Variants in SLC8A1 observed in about 807,000 individuals in gnomAD.
SLC8A1 encodes the protein sodium/calcium exchanger 1.
SLC8A1 carries 18 observed loss-of-function variants against 68.3 expected under a neutral mutation model. That is an observed-to-expected ratio of 0.26 (90% CI 0.18 to 0.39). The LOEUF is 0.39. SLC8A1 is among the 10% of genes least tolerant of loss of function. The pLI is 1.00. For synonymous variants in SLC8A1, 475 were observed against 415.5 expected (o/e 1.14, Z -1.74); for missense variants, 985 against 1,156.7 (o/e 0.85, Z 2.15).
chr2:40,321,510 C>G (rs750271124), intron 2 of SLC8A1, among the ~76,000 whole-genome samples: 1 of 151,930 alleles, frequency 6.6e-6, no homozygotes, highest in East Asian at 1.9e-4. Context: ...AAGACATACC[C>G]GAGACTGGGT....
chr2:40,282,817 T>A (rs147567601), intron 2 of SLC8A1, among the ~76,000 whole-genome samples: 1 of 152,238 alleles, frequency 6.6e-6, no homozygotes, highest in Non-Finnish European at 1.5e-5. Context: ...AGTTGAACTC[T>A]GAACCACTAT....
At position 40,214,779 on chromosome 2, in the gene SLC8A1, A is replaced by G. The variant is rs10188252; in HGVS notation, c.1809-36924T>C. ...ATCTTAACTCATATAATGGATCAGT[A>G]TTTTTTTGAGAATTTCCAGGCCAAC... On this transcript the variant is annotated intron_variant, in intron 2 of 7. Coordinates refer to ENST00000406785, the Ensembl canonical transcript of SLC8A1. Among the ~76,000 whole-genome samples, 667 of 152,206 alleles carry G rather than the reference A, an allele frequency of 4.4e-3. 7 individuals are homozygous for G. Among genetic ancestry groups the G allele is most frequent in the African/African-American group, 0.015 (632 of 41,530 alleles).
intron 6 of SLC8A1, among the ~76,000 whole-genome samples, chr2:40,157,489 A>G (rs1171796260): frequency 6.6e-6 from 1 of 152,144 alleles, no homozygotes; most frequent in Non-Finnish European, 1.5e-5. Context: ...GAAGAACAAT[A>G]TGGTGGTTGT....
intron 1 of SLC8A1, among the ~76,000 whole-genome samples, chr2:40,508,936 G>C (rs1706533018): frequency 6.6e-6 from 1 of 151,952 alleles, no homozygotes; most frequent in African/African-American, 2.4e-5. Context: ...GTACAATGTG[G>C]GCATCACCTA....
intron 2 of SLC8A1, among the ~76,000 whole-genome samples, chr2:40,216,012 CTT>C (rs61623694): frequency 1.4e-5 from 2 of 143,748 alleles, no homozygotes; most frequent in Admixed American, 6.9e-5. Context: ...CCAGTGTATG[CTT>C]TTTTTTTTTT....
At chr2:40,181,419 T>C (rs1399365786) in intron 2 of SLC8A1, among the ~76,000 whole-genome samples, 1 of 152,212 alleles carries the variant, frequency 6.6e-6, no homozygotes. Flanking sequence ...TTGATAACTA[T>C]GATACTGGAA....
intron 2 of SLC8A1, among the ~76,000 whole-genome samples, chr2:40,225,986 G>A (rs556829024): frequency 2.6e-5 from 4 of 152,292 alleles, no homozygotes; most frequent in Non-Finnish European, 5.9e-5. Context: ...TAGCAGGCAA[G>A]TAAATAAGAT....
At chr2:40,383,675 A>G (rs1253453245) in intron 2 of SLC8A1, among the ~76,000 whole-genome samples, 3 of 152,108 alleles carry the variant, frequency 2.0e-5, no homozygotes, top group African/African-American at 7.2e-5. Flanking sequence ...ATACATAAAC[A>G]AGTATTAAAT....
At chr2:40,161,583 A>T (rs1451213976) in intron 5 of SLC8A1, among the ~76,000 whole-genome samples, 2 of 152,186 alleles carry the variant, frequency 1.3e-5, no homozygotes, top group Non-Finnish European at 2.9e-5. Flanking sequence ...GGAACTTTTT[A>T]AGCACCTTGT....
At chr2:40,304,871 A>AT (rs371005141) in intron 2 of SLC8A1, among the ~76,000 whole-genome samples, 9 of 152,166 alleles carry the variant, frequency 5.9e-5, no homozygotes, top group Admixed American at 2.0e-4. Flanking sequence ...CCCTTTGCCT[A>AT]TTTTTGTCAG....
intron 2 of SLC8A1, among the ~76,000 whole-genome samples, chr2:40,192,541 C>G (rs1033850939): frequency 6.6e-6 from 1 of 151,980 alleles, no homozygotes; most frequent in African/African-American, 2.4e-5. Flanking sequence ...AGAATACTAA[C>G]GCAAATGGAG....
At chr2:40,201,459 AATTAAGCTTGATCTTGATG>A (rs1558729240) in intron 2 of SLC8A1, among the ~76,000 whole-genome samples, 1 of 151,924 alleles carries the variant, frequency 6.6e-6, no homozygotes, top group Non-Finnish European at 1.5e-5. Flanking sequence ...GAGAAATGAG[AATTAAGCTTGATCTTGATG>A]ATCAACCACA....
chr2:40,299,746 G>A lies in SLC8A1; in HGVS notation c.1809-121891C>T, dbSNP rs376429647. On this transcript the variant is annotated intron_variant, in intron 2 of 7. Coordinates refer to ENST00000406785, the Ensembl canonical transcript of SLC8A1. ...AAATAGCCTCCAAAGTGGAAATGCA[G>A]TTCGGTGAAAGAGAGTTTCAGCATA... 1.4e-4 allele frequency among the ~76,000 whole-genome samples: 21 copies of A among 152,292 alleles called. No individual in the cohort carries two copies. The South Asian group carries it at 1.5e-3, about 11-fold the overall frequency.
chr2:40,306,383 G>C (rs1301929639), intron 2 of SLC8A1, among the ~76,000 whole-genome samples: 1 of 150,650 alleles, frequency 6.6e-6, no homozygotes, highest in Non-Finnish European at 1.5e-5. Flanking sequence ...CTTTGAGGCA[G>C]AACAAAAGGG....
chr2:40,237,979 C>T (rs576481390), intron 2 of SLC8A1, among the ~76,000 whole-genome samples: 3,134 of 152,046 alleles, frequency 0.021, 36 homozygotes, highest in East Asian at 0.06. Flanking sequence ...TCTCCAGCTG[C>T]GTGCTGGGAG....
intron 1 of SLC8A1, among the ~76,000 whole-genome samples, chr2:40,432,182 C>T (rs548080990): frequency 1.3e-5 from 2 of 151,938 alleles, no homozygotes; most frequent in South Asian, 4.2e-4. Flanking sequence ...TCCATTTCAT[C>T]CACAATATTT....
chr2:40,314,761 C>T (rs1342353366), intron 2 of SLC8A1, among the ~76,000 whole-genome samples: 3 of 151,948 alleles, frequency 2.0e-5, no homozygotes, highest in Admixed American at 2.0e-4. Context: ...TTTTTGATGA[C>T]ATTGTAAATG....
intron 2 of SLC8A1, chr2:40,255,134 T>C (rs1455357788): frequency 1.3e-5 from 2 of 152,094 alleles, no homozygotes; most frequent in Admixed American, 6.5e-5. Flanking sequence ...TCCTAGTTGT[T>C]GGTTAATGTC....
chr2:40,211,614 G>A (rs1019116291), intron 2 of SLC8A1, among the ~76,000 whole-genome samples: 2 of 152,174 alleles, frequency 1.3e-5, no homozygotes, highest in African/African-American at 4.8e-5. Context: ...GAAAAGCAGA[G>A]CAGCAGACCC....
Sources: gnomAD v4.1 joint callset for allele counts (sites outside exome capture counted in the v4.1 genomes callset) on GRCh38, gnomAD v4.1.1 for gene constraint, MANE v1.5 for transcripts, NCBI Gene and HGNC (gene_info 2026-07-23, HGNC 2026-07-21) for gene names.